The following GADD45B variants were observed in gnomAD, a reference collection of about 807,000 sequenced individuals.
The protein encoded by GADD45B is growth arrest and DNA damage inducible beta.
GADD45B carries 8 observed loss-of-function variants against 15.2 expected under a neutral mutation model. The ratio of observed to expected loss-of-function variants is 0.53; its 90% confidence interval spans 0.31 to 0.95. The LOEUF is 0.95. Ranked by LOEUF, GADD45B falls within the 40% of genes least tolerant of loss-of-function variation. The pLI, the probability that GADD45B is intolerant of heterozygous loss-of-function variation, is 0.05. For missense variants in GADD45B, 162 were observed against 216.6 expected, an observed-to-expected ratio of 0.75 and a Z score of 1.58; for synonymous variants, 100 against 89.8, an observed-to-expected ratio of 1.11 and a Z score of -0.64.
rs111265274 is a variant in GADD45B, at chr19:2,476,278, T to G, written c.-81T>G. 22 of 1,376,366 alleles carry G rather than the reference T, an allele frequency of 1.6e-5. 1 individual carries two copies. The African/African-American group carries it at 2.4e-4, about 15-fold the overall frequency. 85.3% of individuals were successfully genotyped at this position (1,376,366 alleles called of 1,614,324 possible). ...AGCGCTCTAGCTCTGTGGGAAGGTT[T>G]TGGGCTCTCTGGCTCGGATTTTGCA... On this transcript the variant is annotated 5_prime_UTR_variant, in exon 1 of 4. Transcript: ENST00000215631.
At position 2,477,298 on chromosome 19, in the gene GADD45B, C is replaced by T. The variant is rs373242275; in HGVS notation, c.369+47C>T. On this transcript the variant is annotated intron_variant, in intron 3 of 3. Transcript: ENST00000215631. This position sits in a 1 kb window ranked among gnomAD's most constrained non-coding sequence, Gnocchi z 4.2. Reference sequence around the variant, plus strand: ...CCCCGCCACGCCCGGGCACCTGGGCCGGTGTTTGTCAACAAAGTCGGGCTG... The same window carrying T: ...CCCCGCCACGCCCGGGCACCTGGGCTGGTGTTTGTCAACAAAGTCGGGCTG... 1.0e-4 allele frequency: 136 copies of T among 1,328,396 alleles called. No individual in the cohort carries two copies. The highest frequency in any genetic ancestry group is 5.9e-4 in the Admixed American group (27 of 45,658). 82.3% of individuals were successfully genotyped at this position (1,328,396 alleles called of 1,614,324 possible). A position where few individuals can be genotyped will look rare whatever the true frequency, so the allele number is the denominator to read the frequency against.
At chr19:2,476,988 C>G (rs1219535786) in intron 2 of GADD45B, 41 bp from the exon 3 acceptor site, 2 of 1,395,478 alleles carry the variant, frequency 1.4e-6, no homozygotes, top group African/African-American at 2.8e-5. Context: ...GGCCCCTCCC[C>G]TGTCCCCGGC....
chr19:2,476,373 G>A lies in GADD45B; in HGVS notation c.15G>A (p.Glu5=), dbSNP rs566039710. ...ATAATTGCAACATGACGCTGGAAGA[G>A]CTCGTGGCGTGCGACAACGCGGCGC... The part of the protein sequence containing the change: MTLE[E]LVACDNAAQK... The change falls in exon 1 of 4, where the codon GAG becomes GAA. Residue 5 remains glutamate (E), a synonymous_variant. Transcript: ENST00000215631. 2.5e-6 allele frequency: 4 copies of A among 1,613,874 alleles called. No individual in the cohort carries two copies. The highest frequency in any genetic ancestry group is 1.7e-5 in the Admixed American group (1 of 60,014).
At position 2,476,353 on chromosome 19, in the gene GADD45B, T is replaced by C. The variant is rs749404339; in HGVS notation, c.-6T>C. The C allele has an allele frequency of 6.2e-7, 1 of 1,613,870 alleles. No individual in the cohort carries two copies. Among genetic ancestry groups the C allele is most frequent in the South Asian group, 1.1e-5 (1 of 91,088 alleles). ...AGCCGCATCCACTGTGGATTATAAT[T>C]GCAACATGACGCTGGAAGAGCTCGT... On this transcript the variant is annotated 5_prime_UTR_variant, in exon 1 of 4. Transcript: ENST00000215631.
chr19:2,476,458 T>TGGGCCGGGCC (rs1972314733), intron 1 of GADD45B, 56 bp downstream of exon 1: 1 of 1,602,324 alleles, frequency 6.2e-7, no homozygotes. Context: ...TGGGTCGGGT[T>TGGGCCGGGCC]GGGCCGGGCC....
Position 2,476,644 on chromosome 19 carries a change from C to G in GADD45B, c.146+14C>G, listed in dbSNP as rs757952919. 2 of 1,483,378 alleles carry G rather than the reference C, an allele frequency of 1.3e-6. No individual in the cohort carries two copies. Among genetic ancestry groups the G allele is most frequent in the South Asian group, 2.5e-5 (2 of 79,290 alleles). 91.9% of individuals were successfully genotyped at this position (1,483,378 alleles called of 1,614,324 possible). The stretch of plus-strand genomic sequence containing the variant: ...GTTGATGAATGTGTGAGTCAGACCC[C>G]CTTCCCGGGCTGGGCGCGGGTGGGA... On this transcript the variant is annotated intron_variant, in intron 2 of 3. Coordinates refer to ENST00000215631, the MANE Select transcript of GADD45B (RefSeq NM_015675.4).
At position 2,477,305 on chromosome 19, in the gene GADD45B, T is replaced by C; in HGVS notation, c.369+54T>C. ...ACGCCCGGGCACCTGGGCCGGTGTT[T>C]GTCAACAAAGTCGGGCTGACTGGTC... On this transcript the variant is annotated intron_variant, in intron 3 of 3. Transcript: ENST00000215631. This position sits in a 1 kb window ranked among gnomAD's most constrained non-coding sequence, Gnocchi z 4.2. 7.6e-7 allele frequency: 1 copy of C among 1,308,494 alleles called. No individual in the cohort carries two copies. The highest frequency in any genetic ancestry group is 1.0e-6 in the Non-Finnish European group (1 of 953,844). The allele number at this position is 1,308,494 out of a possible 1,614,324, so 81.1% of individuals were successfully genotyped here.
At position 2,477,566 on chromosome 19, in the gene GADD45B, C is replaced by A; in HGVS notation, c.448C>A (p.Gln150Lys). Residue 150 changes from glutamine to lysine, a missense_variant, in exon 4 of 4, where the codon CAG (glutamine) becomes AAG (lysine). Physicochemically the swap from Gln to Lys is moderately conservative, Grantham distance 53. Coordinates refer to ENST00000215631, the MANE Select transcript of GADD45B (RefSeq NM_015675.4). This position sits in a 1 kb window ranked among gnomAD's most constrained non-coding sequence, Gnocchi z 4.2. ...SYCEESRGNN[Q>K]WVPYISLQER is the part of the protein sequence containing the mutation. ...CTGCGAAGAAAGCCGGGGCAACAAC[C>A]AGTGGGTCCCCTACATCTCTCTTCA... The A allele has an allele frequency of 6.2e-7, 1 of 1,612,130 alleles. No homozygotes were observed.
At chr19:2,476,939 T>A in intron 2 of GADD45B, 90 bp from the exon 3 acceptor site, 1 of 799,242 alleles carries the variant, frequency 1.3e-6, no homozygotes, top group East Asian at 2.6e-5. Flanking sequence ...TCTCTTTTGC[T>A]CTTGCACGCT....
chr19:2,476,336 C>A lies in GADD45B; in HGVS notation c.-23C>A. On this transcript the variant is annotated 5_prime_UTR_variant, in exon 1 of 4. Coordinates refer to ENST00000215631, the MANE Select transcript of GADD45B (RefSeq NM_015675.4). ...CCTGGGGACTGCCGTGGAGCCGCAT[C>A]CACTGTGGATTATAATTGCAACATG... 1 of 1,613,116 alleles carries A rather than the reference C, an allele frequency of 6.2e-7. No homozygotes were observed. The highest frequency in any genetic ancestry group is 8.5e-7 in the Non-Finnish European group (1 of 1,179,274).
At position 2,476,638 on chromosome 19, in the gene GADD45B, A is replaced by AGACCCCCTTC. The variant is rs1568217251; in HGVS notation, c.146+9_146+18dup. 6.6e-7 allele frequency: 1 copy of AGACCCCCTTC among 1,511,992 alleles called. No homozygotes were observed. Among genetic ancestry groups the AGACCCCCTTC allele is most frequent in the Non-Finnish European group, 9.0e-7 (1 of 1,111,410 alleles). The allele number at this position is 1,511,992 out of a possible 1,614,324, so 93.7% of individuals were successfully genotyped here. On this transcript the variant is annotated intron_variant, in intron 2 of 3. Transcript: ENST00000215631. Reference sequence around the variant, plus strand: ...GGCCAAGTTGATGAATGTGTGAGTCAGACCCCCTTCCCGGGCTGGGCGCGG... The same window carrying AGACCCCCTTC: ...GGCCAAGTTGATGAATGTGTGAGTCAGACCCCCTTCGACCCCCTTCCCGGGCTGGGCGCGG...
chr19:2,477,248 C>T lies in GADD45B; in HGVS notation c.366C>T (p.Val122=). The change falls in exon 3 of 4, where the codon GTC becomes GTT. Residue 122 remains valine, a synonymous_variant. Coordinates refer to ENST00000215631, the MANE Select transcript of GADD45B (RefSeq NM_015675.4). The surrounding 1 kb of genome is among the most constrained non-coding windows in gnomAD (Gnocchi z 4.2). The part of the protein sequence containing the change: ...TEARDLHCLL[V]TNPHTDAWKS... ...CCCGAGACCTGCATTGTCTCCTGGT[C>T]ACGGTGAGTCGGGCCTCTGCCCTGC... 9 of 1,562,084 alleles carry T rather than the reference C, an allele frequency of 5.8e-6. No homozygotes were observed. The highest frequency in any genetic ancestry group is 7.8e-6 in the Non-Finnish European group (9 of 1,156,696).
chr19:2,477,438 G>A lies in GADD45B; in HGVS notation c.370-50G>A. ...AGCCTGACTGTTTTCCCCACACAGG[G>A]GCCCCGGGAGAGGGAGGCTCCACTA... On this transcript the variant is annotated intron_variant, in intron 3 of 3. Coordinates refer to ENST00000215631, the MANE Select transcript of GADD45B (RefSeq NM_015675.4). The surrounding 1 kb of genome is among the most constrained non-coding windows in gnomAD (Gnocchi z 4.2). 1 of 1,328,972 alleles carries A rather than the reference G, an allele frequency of 7.5e-7. No homozygotes were observed. Among genetic ancestry groups the A allele is most frequent in the South Asian group, 1.2e-5 (1 of 82,704 alleles). 82.3% of individuals were successfully genotyped at this position (1,328,972 alleles called of 1,614,324 possible).
Position 2,477,002 on chromosome 19 carries a change from C to T in GADD45B, c.147-27C>T, listed in dbSNP as rs774576604. 4.6e-6 allele frequency: 7 copies of T among 1,518,436 alleles called. No individual in the cohort carries two copies. Among genetic ancestry groups the T allele is most frequent in the Non-Finnish European group, 5.5e-6 (6 of 1,094,466 alleles). 94.1% of individuals were successfully genotyped at this position (1,518,436 alleles called of 1,614,324 possible). ...TGGCCCCTCCCCTGTCCCCGGCTGA[C>T]CCATCCCTACCCTTTGGCCCCCTCA... On this transcript the variant is annotated intron_variant, in intron 2 of 3. Transcript: ENST00000215631. The surrounding 1 kb of genome is among the most constrained non-coding windows in gnomAD (Gnocchi z 4.2).
Position 2,477,822 on chromosome 19 carries a change from C to T in GADD45B, c.*221C>T, listed in dbSNP as rs7354. On this transcript the variant is annotated 3_prime_UTR_variant, in exon 4 of 4. Transcript: ENST00000215631. The surrounding 1 kb of genome is among the most constrained non-coding windows in gnomAD (Gnocchi z 4.2). ...ATCCAGGAGCTGGCGGCCGCCGATCCGATGGAGAAGGGGGGACCCAGGCCA... is the reference window on the plus strand; with the variant it reads ...ATCCAGGAGCTGGCGGCCGCCGATCTGATGGAGAAGGGGGGACCCAGGCCA... 1 of 391,140 alleles carries T rather than the reference C, an allele frequency of 2.6e-6. No homozygotes were observed. Among genetic ancestry groups the T allele is most frequent in the South Asian group, 2.7e-5 (1 of 37,704 alleles). 24.2% of individuals were successfully genotyped at this position (391,140 alleles called of 1,614,324 possible).
In GADD45B at chr19:2,477,134, C is replaced by A. The variant is rs1296719677; in HGVS notation, c.252C>A (p.Asp84Glu). 6.2e-7 allele frequency: 1 copy of A among 1,613,760 alleles called. No individual in the cohort carries two copies. The highest frequency in any genetic ancestry group is 8.5e-7 in the Non-Finnish European group (1 of 1,179,900). Residue 84 changes from aspartate (D) to glutamate (E), a missense_variant, in exon 3 of 4, where the codon GAC (aspartate) becomes GAA (glutamate). Asp to Glu is a conservative substitution (Grantham distance 45). Transcript: ENST00000215631. The surrounding 1 kb of genome is among the most constrained non-coding windows in gnomAD (Gnocchi z 4.2). Reference protein sequence around the residue: ...HFTLIQSFCCDNDINIVRVSG... With the variant: ...HFTLIQSFCCENDINIVRVSG... ...CGCTCATCCAGTCCTTCTGCTGTGA[C>A]AACGACATCAACATCGTGCGGGTGT...
At position 2,476,148 on chromosome 19, in the gene GADD45B, A is replaced by G. The variant is rs1972308111; in HGVS notation, c.-211A>G. 3.3e-6 allele frequency: 2 copies of G among 608,616 alleles called. No individual in the cohort carries two copies. The highest frequency in any genetic ancestry group is 2.8e-5 in the East Asian group (1 of 36,234). The allele number at this position is 608,616 out of a possible 1,614,324, so 37.7% of individuals were successfully genotyped here. On this transcript the variant is annotated 5_prime_UTR_variant, in exon 1 of 4. Coordinates refer to ENST00000215631, the MANE Select transcript of GADD45B (RefSeq NM_015675.4). ...GCTCAGATCGCCGAAGCGTCGGACTACCGTTGGTTTCCGCAACTTCCTGGA... is the reference window on the plus strand; with the variant it reads ...GCTCAGATCGCCGAAGCGTCGGACTGCCGTTGGTTTCCGCAACTTCCTGGA...
In GADD45B at chr19:2,478,027, G is replaced by C. The variant is rs947959828; in HGVS notation, c.*426G>C. On this transcript the variant is annotated 3_prime_UTR_variant, in exon 4 of 4. Transcript: ENST00000215631. The stretch of plus-strand genomic sequence containing the variant: ...GCTGGCGTCTGCATACGAGAGACTT[G>C]GTTGAACTTGGTTGGTCCTTGTCTG... 3 of 159,562 alleles carry C rather than the reference G, an allele frequency of 1.9e-5. No individual in the cohort carries two copies. The highest frequency in any genetic ancestry group is 7.2e-5 in the African/African-American group (3 of 41,552). The allele number at this position is 159,562 out of a possible 1,614,324, so 9.9% of individuals were successfully genotyped here. A position where few individuals can be genotyped will look rare whatever the true frequency, so the allele number is the denominator to read the frequency against.
Position 2,477,068 on chromosome 19 carries a change from CGAG to C in GADD45B, c.198_200del (p.Glu66del), listed in dbSNP as rs765731824. ...TGGTCCTCTGCCTCTTGGCCATTGA[CGAG>C]GAGGAGGAGGATGACATCGCCCTGC... On this transcript the variant is annotated inframe_deletion, in exon 3 of 4. Transcript: ENST00000215631. The surrounding 1 kb of genome is among the most constrained non-coding windows in gnomAD (Gnocchi z 4.2). The C allele has an allele frequency of 7.3e-5, 118 of 1,612,710 alleles. No homozygotes were observed. The highest frequency in any genetic ancestry group is 9.2e-5 in the Non-Finnish European group (108 of 1,178,954).
Sources: gnomAD v4.1 joint callset for allele counts on GRCh38, gnomAD v4.1.1 for gene constraint, Gnocchi (gnomAD v3.1) non-coding constraint, MANE v1.5 for transcripts, NCBI Gene and HGNC (gene_info 2026-07-23, HGNC 2026-07-21) for gene names.